The following SOX5 variants were observed in gnomAD, a reference collection of about 807,000 sequenced individuals.
SOX5 encodes transcription factor SOX-5.
SOX5 carries 9 observed loss-of-function variants against 92.0 expected under a neutral mutation model. That is an observed-to-expected ratio of 0.10 (90% CI 0.06 to 0.17). The LOEUF is 0.17. SOX5 is among the 10% of genes least tolerant of loss of function. The pLI is 1.00. For missense variants in SOX5, 642 were observed against 944.5 expected (o/e 0.68, Z 4.20); for synonymous variants, 344 against 336.3 (o/e 1.02, Z -0.25).
At chr12:23,601,015 A>AC (rs1455034438) in intron 9 of SOX5, among the ~76,000 whole-genome samples, 2 of 152,054 alleles carry the variant, frequency 1.3e-5, no homozygotes, top group Non-Finnish European at 2.9e-5. Context: ...ACTCCGCCAG[A>AC]TTTCTCAGCA....
intron 3 of SOX5, among the ~76,000 whole-genome samples, chr12:24,265,871 A>G (rs1039827788): frequency 1.3e-5 from 2 of 152,124 alleles, no homozygotes; most frequent in Non-Finnish European, 1.5e-5. Flanking sequence ...TTAATATTGC[A>G]TCATACACGA....
At chr12:23,645,624 T>C (rs2080736342) in intron 7 of SOX5, among the ~76,000 whole-genome samples, 2 of 152,304 alleles carry the variant, frequency 1.3e-5, no homozygotes, top group African/African-American at 2.4e-5. Flanking sequence ...ATTATTAATA[T>C]CAAATTTCAT....
chr12:24,201,558 A>G lies in SOX5; in HGVS notation c.-2+11785T>C, dbSNP rs867572756. Among the ~76,000 whole-genome samples, 34 of 152,332 alleles carry G rather than the reference A, an allele frequency of 2.2e-4. No homozygotes were observed. The Middle Eastern group carries it at 0.01, about 46-fold the overall frequency. On this transcript the variant is annotated intron_variant, in intron 4 of 4. Transcript: ENST00000446891. Reference sequence around the variant, plus strand: ...TAATGATGTCAATCTCTCTGCTGACATCTTGTAACTATTTTGAACACAAAA... The same window carrying G: ...TAATGATGTCAATCTCTCTGCTGACGTCTTGTAACTATTTTGAACACAAAA...
At chr12:23,800,329 C>A (rs1304922863) in intron 3 of SOX5, among the ~76,000 whole-genome samples, 1 of 151,942 alleles carries the variant, frequency 6.6e-6, no homozygotes. Context: ...TGATAGGAAA[C>A]CCTGATAAGG....
At chr12:24,038,514 C>G (rs2136961753) in intron 4 of SOX5, among the ~76,000 whole-genome samples, 1 of 152,226 alleles carries the variant, frequency 6.6e-6, no homozygotes, top group Admixed American at 6.5e-5. Context: ...AATTACACAA[C>G]CAAATATTGC....
intron 13 of SOX5, among the ~76,000 whole-genome samples, chr12:23,537,221 C>T (rs749309583): frequency 1.3e-5 from 2 of 151,994 alleles, no homozygotes; most frequent in Admixed American, 6.5e-5. Context: ...TATTAATAAA[C>T]ATGGAGTGGG....
chr12:23,603,512 T>C (rs1230559605), intron 9 of SOX5, among the ~76,000 whole-genome samples: 2 of 148,250 alleles, frequency 1.3e-5, no homozygotes, highest in African/African-American at 4.9e-5. Flanking sequence ...TAACATTTCC[T>C]AATAGAATCA....
At chr12:24,108,488 T>C (rs1268756562) in intron 4 of SOX5, among the ~76,000 whole-genome samples, 1 of 152,156 alleles carries the variant, frequency 6.6e-6, no homozygotes, top group African/African-American at 2.4e-5. Flanking sequence ...TATCACACAC[T>C]ACATTGTTGA....
rs541416461 is a variant in SOX5, at chr12:24,223,890, T to C, written c.-76-10473A>G. Among the ~76,000 whole-genome samples the C allele has an allele frequency of 2.0e-5, 3 of 152,342 alleles. No individual in the cohort carries two copies. In the South Asian group the frequency reaches 6.2e-4, roughly 32 times the overall value. On this transcript the variant is annotated intron_variant, in intron 3 of 4. Coordinates refer to the SOX5 transcript ENST00000446891. ...TGACTCGACCTATTGTTAGAGATGCTTTTTCTGTGACACTAGTGGAAGAGA... is the reference window on the plus strand; with the variant it reads ...TGACTCGACCTATTGTTAGAGATGCCTTTTCTGTGACACTAGTGGAAGAGA...
intron 3 of SOX5, among the ~76,000 whole-genome samples, chr12:23,802,824 T>C (rs1040197222): frequency 6.6e-6 from 1 of 152,124 alleles, no homozygotes; most frequent in Non-Finnish European, 1.5e-5. Context: ...TAATTTACCA[T>C]CTTATTGTGT....
intron 1 of SOX5, among the ~76,000 whole-genome samples, chr12:24,476,873 G>A (rs2137730185): frequency 6.6e-6 from 1 of 151,750 alleles, no homozygotes; most frequent in South Asian, 2.1e-4. Flanking sequence ...TTATAAGAAT[G>A]AGAATTTGGC....
chr12:23,692,197 C>G (rs2088944234), intron 6 of SOX5, among the ~76,000 whole-genome samples: 1 of 151,970 alleles, frequency 6.6e-6, no homozygotes, highest in South Asian at 2.1e-4. Context: ...CCTTGGGAGG[C>G]CGAGACAGGC....
At chr12:24,038,755 G>A (rs925563120) in intron 4 of SOX5, among the ~76,000 whole-genome samples, 2 of 152,162 alleles carry the variant, frequency 1.3e-5, no homozygotes, top group Non-Finnish European at 2.9e-5. Flanking sequence ...TGAGTAGTAT[G>A]TGGTAGAAAA....
At chr12:23,674,599 A>G (rs1031072832) in intron 6 of SOX5, among the ~76,000 whole-genome samples, 2 of 151,932 alleles carry the variant, frequency 1.3e-5, no homozygotes, top group African/African-American at 4.8e-5. Flanking sequence ...TGGCCTCCCA[A>G]AGTGCTGGGA....
intron 4 of SOX5, among the ~76,000 whole-genome samples, chr12:23,964,152 G>A (rs1947282713): frequency 6.6e-6 from 1 of 151,596 alleles, no homozygotes; most frequent in African/African-American, 2.4e-5. Context: ...AATGGCTCCA[G>A]GAACCAATTA....
At chr12:24,217,623 AAAAG>A in intron 3 of SOX5, among the ~76,000 whole-genome samples, 1 of 152,222 alleles carries the variant, frequency 6.6e-6, no homozygotes, top group East Asian at 1.9e-4. Context: ...GTCAAGCAAC[AAAAG>A]AAATAAACAG....
At chr12:24,172,068 ACTG>A (rs1954249050) in intron 4 of SOX5, among the ~76,000 whole-genome samples, 1 of 145,530 alleles carries the variant, frequency 6.9e-6, no homozygotes, top group Admixed American at 7.0e-5. Flanking sequence ...TGGCTGGAGA[ACTG>A]TGTGTGCGTG....
intron 1 of SOX5, among the ~76,000 whole-genome samples, chr12:24,380,526 T>C (rs1957721772): frequency 6.6e-6 from 1 of 152,220 alleles, no homozygotes. Flanking sequence ...ACATTTGTAA[T>C]GTAAATAACC....
intron 4 of SOX5, among the ~76,000 whole-genome samples, chr12:24,193,034 T>C (rs1044786972): frequency 6.6e-6 from 1 of 152,218 alleles, no homozygotes; most frequent in Non-Finnish European, 1.5e-5. Flanking sequence ...CATCTAATAA[T>C]ATGCATCTTC....
Sources: allele counts gnomAD v4.1 joint callset (sites outside exome capture counted in the v4.1 genomes callset), GRCh38; gene constraint gnomAD v4.1.1; transcripts MANE v1.5; gene names NCBI Gene and HGNC (gene_info 2026-07-23, HGNC 2026-07-21).